Variants in CLN6 observed in about 807,000 individuals in gnomAD.
The protein encoded by CLN6 is CLN6 transmembrane ER protein, also known as ceroid-lipofuscinosis neuronal protein 6.
CLN6 carries 22 observed loss-of-function variants against 33.3 expected under a neutral mutation model. That is an observed-to-expected ratio of 0.66 (90% CI 0.47 to 0.94). The LOEUF (loss-of-function observed/expected upper bound fraction) is 0.94. CLN6 is among the 40% of genes least tolerant of loss of function. CLN6 has a pLI of 0.00. For missense variants in CLN6, 387 were observed against 417.1 expected (o/e 0.93, Z 0.63); for synonymous variants, 201 against 174.6 (o/e 1.15, Z -1.19).
chr15:68,226,318 C>CAAAAA (rs35031604), intron 1 of CLN6, among the ~76,000 whole-genome samples: 33 of 63,218 alleles, frequency 5.2e-4, no homozygotes, highest in African/African-American at 1.4e-3. Flanking sequence ...GACTCCATCT[C>CAAAAA]AAAAAAAAAA....
rs2141137445 is a variant in CLN6, at chr15:68,209,877, G to C, written c.543-118C>G. Reference sequence around the variant, plus strand: ...CACGTCACAGTTTACAAAACGCCTAGCCTGGGTGAGAGGCGCTCCTCTCCA... The same window carrying C: ...CACGTCACAGTTTACAAAACGCCTACCCTGGGTGAGAGGCGCTCCTCTCCA... On this transcript the variant is annotated intron_variant, in intron 5 of 6. Transcript: ENST00000249806. The surrounding 1 kb of genome is among the most constrained non-coding windows in gnomAD (Gnocchi z 4.9). 3 of 1,420,594 alleles carry C rather than the reference G, an allele frequency of 2.1e-6. No individual in the cohort carries two copies. The East Asian group carries it at 7.0e-5, about 33-fold the overall frequency. The allele number at this position is 1,420,594 out of a possible 1,614,324, so 88.0% of individuals were successfully genotyped here.
chr15:68,221,023 A>G (rs1350369619), intron 1 of CLN6, among the ~76,000 whole-genome samples: 2 of 147,734 alleles, frequency 1.4e-5, no homozygotes, highest in East Asian at 3.9e-4. Context: ...TATTATTATT[A>G]TTATTTTTTG....
rs1196661734 is a variant in CLN6 at position 68,209,183 on chromosome 15, C to T, written c.665+454G>A. 6.6e-6 allele frequency among the ~76,000 whole-genome samples: 1 copy of T among 152,208 alleles called. No individual in the cohort carries two copies. The highest frequency in any genetic ancestry group is 2.4e-5 in the African/African-American group (1 of 41,446). On this transcript the variant is annotated intron_variant, in intron 6 of 6. Coordinates refer to ENST00000249806, the MANE Select transcript of CLN6 (RefSeq NM_017882.3). This position sits in a 1 kb window ranked among gnomAD's most constrained non-coding sequence, Gnocchi z 4.9. ...ATGAAACCCCCCAGTCTGGCCTCGCCATAGTGCTTTACATTTGACAAAGCC... is the reference window on the plus strand; with the variant it reads ...ATGAAACCCCCCAGTCTGGCCTCGCTATAGTGCTTTACATTTGACAAAGCC...
At chr15:68,252,816 CAAGT>C (rs1318913899) in intron 1 of CLN6, among the ~76,000 whole-genome samples, 1 of 152,134 alleles carries the variant, frequency 6.6e-6, no homozygotes, top group African/African-American at 2.4e-5. Flanking sequence ...AAAGCTCAAA[CAAGT>C]AAACTAAACA....
chr15:68,209,851 C>T lies in CLN6; in HGVS notation c.543-92G>A. Reference sequence around the variant, plus strand: ...CACTCCCATGGGGTCTCATGGAGTGCCACGTCACAGTTTACAAAACGCCTA... The same window carrying T: ...CACTCCCATGGGGTCTCATGGAGTGTCACGTCACAGTTTACAAAACGCCTA... On this transcript the variant is annotated intron_variant, in intron 5 of 6. Coordinates refer to ENST00000249806, the MANE Select transcript of CLN6 (RefSeq NM_017882.3). This position sits in a 1 kb window ranked among gnomAD's most constrained non-coding sequence, Gnocchi z 4.9. 1.3e-6 allele frequency: 2 copies of T among 1,543,640 alleles called. No homozygotes were observed. The highest frequency in any genetic ancestry group is 1.1e-5 in the South Asian group (1 of 89,028).
upstream of CLN6, among the ~76,000 whole-genome samples, chr15:68,230,282 G>A (rs1159527241): frequency 6.6e-6 from 1 of 152,062 alleles, no homozygotes; most frequent in East Asian, 1.9e-4. The surrounding 1 kb of genome is among the most constrained non-coding windows in gnomAD (Gnocchi z 4.0). Context: ...TCTGCCCCTG[G>A]GTGGATAGTG....
chr15:68,214,090 T>C, intron 3 of CLN6, 200 bp downstream of exon 3: 1 of 551,646 alleles, frequency 1.8e-6, no homozygotes, highest in Non-Finnish European at 3.3e-6. Flanking sequence ...TCTTGGGGCA[T>C]ATTTTCCATC....
Position 68,208,178 on chromosome 15 carries a change from AGGGCTCAGGGACGTAGATGACACCCG to A in CLN6, c.872_897del (p.Pro291LeufsTer34), listed in dbSNP as rs1479358398. 1.4e-6 allele frequency: 2 copies of A among 1,432,898 alleles called. No homozygotes were observed. The highest frequency in any genetic ancestry group is 7.3e-5 in the East Asian group (2 of 27,558). 88.8% of individuals were successfully genotyped at this position (1,432,898 alleles called of 1,614,324 possible). On this transcript the variant is annotated frameshift_variant, in exon 7 of 7. Transcript: ENST00000249806. LOFTEE classifies it high-confidence loss of function. This position sits in a 1 kb window ranked among gnomAD's most constrained non-coding sequence, Gnocchi z 5.8. ...CTGACGTGAAGGGTGTAGAAAGCCC[AGGGCTCAGGGACGTAGATGACACCCG>A]GGTACTTCTTCCTGAGAACAGGGTC...
chr15:68,242,159 C>T lies in CLN6; in HGVS notation c.179+14531G>A, dbSNP rs1483040180. Among the ~76,000 whole-genome samples, 8 of 152,206 alleles carry T rather than the reference C, an allele frequency of 5.3e-5. No homozygotes were observed. The East Asian group carries it at 1.5e-3, about 29-fold the overall frequency. On this transcript the variant is annotated intron_variant, in intron 1 of 6. Coordinates refer to the CLN6 transcript ENST00000538696. This position sits in a 1 kb window ranked among gnomAD's most constrained non-coding sequence, Gnocchi z 5.0. ...CTCTCTGACCAAGAATTCAAAATAGCAGTTTTAAGGAAACTCAGTGATCTA... is the reference window on the plus strand; with the variant it reads ...CTCTCTGACCAAGAATTCAAAATAGTAGTTTTAAGGAAACTCAGTGATCTA...
Position 68,210,505 on chromosome 15 carries a change from C to T in CLN6, c.543-746G>A, listed in dbSNP as rs1333354997. Among the ~76,000 whole-genome samples, 5 of 152,206 alleles carry T rather than the reference C, an allele frequency of 3.3e-5. No homozygotes were observed. The highest frequency in any genetic ancestry group is 7.3e-5 in the Non-Finnish European group (5 of 68,030). On this transcript the variant is annotated intron_variant, in intron 5 of 6. Coordinates refer to ENST00000249806, the MANE Select transcript of CLN6 (RefSeq NM_017882.3). The surrounding 1 kb of genome is among the most constrained non-coding windows in gnomAD (Gnocchi z 5.6). Reference sequence around the variant, plus strand: ...GGGCCCGAAACACCCTGGAAATGCCCGTGCAGGGTGCGTGTGCTGTGAGCA... The same window carrying T: ...GGGCCCGAAACACCCTGGAAATGCCTGTGCAGGGTGCGTGTGCTGTGAGCA...
At position 68,228,179 on chromosome 15, in the gene CLN6, A is replaced by ACACAGTCCGCAGCTG. The variant is rs2093257729; in HGVS notation, c.83+1308_83+1322dup. Among the ~76,000 whole-genome samples, 1 of 152,138 alleles carries ACACAGTCCGCAGCTG rather than the reference A, an allele frequency of 6.6e-6. No individual in the cohort carries two copies. The highest frequency in any genetic ancestry group is 1.5e-5 in the Non-Finnish European group (1 of 68,034). ...GTACATTGTTTCTAAGTGAAAACGG[A>ACACAGTCCGCAGCTG]CACAGTCCGCAGCTGCTCAGCCCGC... is the stretch of plus-strand genomic sequence containing the variant. On this transcript the variant is annotated intron_variant, in intron 1 of 6. Coordinates refer to ENST00000249806, the MANE Select transcript of CLN6 (RefSeq NM_017882.3). This position sits in a 1 kb window ranked among gnomAD's most constrained non-coding sequence, Gnocchi z 4.4.
rs1294969070 is a variant in CLN6 at position 68,210,282 on chromosome 15, C to T, written c.543-523G>A. ...CCACACACCGGCTCCCTTTCTCCCA[C>T]CTGTGCTTTCACCAGTATACCCGCC... On this transcript the variant is annotated intron_variant, in intron 5 of 6. Transcript: ENST00000249806. The surrounding 1 kb of genome is among the most constrained non-coding windows in gnomAD (Gnocchi z 5.6). 6.6e-6 allele frequency among the ~76,000 whole-genome samples: 1 copy of T among 151,974 alleles called. No homozygotes were observed. Among genetic ancestry groups the T allele is most frequent in the Admixed American group, 6.6e-5 (1 of 15,256 alleles).
Position 68,227,025 on chromosome 15 carries a change from T to C in CLN6, c.83+2477A>G, listed in dbSNP as rs1331935475. ...ATCACGGGCACTAATTATAATACTT[T>C]CTTTTCTTTTCTTTTTTTACTTTTT... is the stretch of plus-strand genomic sequence containing the variant. On this transcript the variant is annotated intron_variant, in intron 1 of 6. Coordinates refer to ENST00000249806, the MANE Select transcript of CLN6 (RefSeq NM_017882.3). The surrounding 1 kb of genome is among the most constrained non-coding windows in gnomAD (Gnocchi z 4.1). Among the ~76,000 whole-genome samples the C allele has an allele frequency of 6.6e-6, 1 of 151,214 alleles. No homozygotes were observed. Among genetic ancestry groups the C allele is most frequent in the Non-Finnish European group, 1.5e-5 (1 of 67,930 alleles).
intron 1 of CLN6, among the ~76,000 whole-genome samples, chr15:68,237,439 G>C (rs954257153): frequency 6.6e-6 from 1 of 152,160 alleles, no homozygotes; most frequent in Admixed American, 6.5e-5. Context: ...AGTGAGCCAT[G>C]ACTGTGCCAC....
rs746100451 is a variant in CLN6, at chr15:68,211,619, C to A, written c.486+56G>T. Reference sequence around the variant, plus strand: ...GGGGTGGGGGCCATTTCTTCAGCCTCCCAGGACAGACTGTGCTCCTAGGGC... The same window carrying A: ...GGGGTGGGGGCCATTTCTTCAGCCTACCAGGACAGACTGTGCTCCTAGGGC... On this transcript the variant is annotated intron_variant, in intron 4 of 6. Coordinates refer to ENST00000249806, the MANE Select transcript of CLN6 (RefSeq NM_017882.3). The surrounding 1 kb of genome is among the most constrained non-coding windows in gnomAD (Gnocchi z 5.9). The A allele has an allele frequency of 5.6e-6, 9 of 1,608,668 alleles. No individual in the cohort carries two copies. The highest frequency in any genetic ancestry group is 7.6e-6 in the Non-Finnish European group (9 of 1,179,956).
chr15:68,216,667 A>G (rs550230624), intron 2 of CLN6, among the ~76,000 whole-genome samples: 7 of 152,342 alleles, frequency 4.6e-5, no homozygotes, highest in African/African-American at 1.7e-4. Context: ...CATTCTCTAT[A>G]ATGGACATAG....
At position 68,207,833 on chromosome 15, in the gene CLN6, G is replaced by A; in HGVS notation, c.*307C>T. ...AGACTAGCCCTGAGTAGGGAGTGTG[G>A]TCAGGTGCAGAGGAGGGCAGGGGCC... On this transcript the variant is annotated 3_prime_UTR_variant, in exon 7 of 7. Transcript: ENST00000249806. 2.3e-6 allele frequency: 1 copy of A among 438,272 alleles called. No homozygotes were observed. Among genetic ancestry groups the A allele is most frequent in the East Asian group, 4.7e-5 (1 of 21,216 alleles). 27.1% of individuals were successfully genotyped at this position (438,272 alleles called of 1,614,324 possible).
In CLN6 at chr15:68,228,425, C is replaced by T. The variant is rs1286495440; in HGVS notation, c.83+1077G>A. On this transcript the variant is annotated intron_variant, in intron 1 of 6. Coordinates refer to ENST00000249806, the MANE Select transcript of CLN6 (RefSeq NM_017882.3). The surrounding 1 kb of genome is among the most constrained non-coding windows in gnomAD (Gnocchi z 4.4). ...TGAGACAAGCAAGGCCTCCAAGGCC[C>T]AACATTTGAGGCGGCACTCACGGTC... is the stretch of plus-strand genomic sequence containing the variant. 1.3e-5 allele frequency among the ~76,000 whole-genome samples: 2 copies of T among 152,186 alleles called. No individual in the cohort carries two copies. The highest frequency in any genetic ancestry group is 2.9e-5 in the Non-Finnish European group (2 of 68,030).
chr15:68,237,105 C>T (rs1230719670), intron 1 of CLN6, among the ~76,000 whole-genome samples: 2 of 132,270 alleles, frequency 1.5e-5, no homozygotes, highest in African/African-American at 5.8e-5. Context: ...TGCAGTGAGC[C>T]GAGATTGCGC....
Sources: allele counts gnomAD v4.1 joint callset (sites outside exome capture counted in the v4.1 genomes callset), GRCh38; gene constraint gnomAD v4.1.1; non-coding constraint Gnocchi (gnomAD v3.1); transcripts MANE v1.5; gene names NCBI Gene and HGNC (gene_info 2026-07-23, HGNC 2026-07-21).